IL1RAPL1: variants seen among roughly 807,000 people sequenced by gnomAD.
IL1RAPL1 encodes interleukin-1 receptor accessory protein-like 1.
In IL1RAPL1, 3 loss-of-function variants were observed where a neutral mutation model predicts 48.4. The ratio of observed to expected loss-of-function variants is 0.06; its 90% CI spans 0.03 to 0.16. IL1RAPL1 has a LOEUF of 0.16. Ranked by LOEUF, IL1RAPL1 falls within the 10% of genes least tolerant of loss-of-function variation. The probability of loss-of-function intolerance (pLI) is 1.00; values close to 1 mark genes in which losing one functional copy is unlikely to be tolerated. For synonymous variants in IL1RAPL1, 185 were observed against 187.7 expected, an observed-to-expected ratio of 0.99 and a Z score of 0.12; for missense variants, 349 against 530.6, an observed-to-expected ratio of 0.66 and a Z score of 3.36.
intron 2 of IL1RAPL1, among the ~76,000 whole-genome samples, chrX:28,790,155 C>T (rs1370461639): frequency 8.9e-6 from 1 of 111,829 alleles, no homozygotes; most frequent in Non-Finnish European, 1.9e-5. Flanking sequence ...TGTGGAGTCA[C>T]ATAATTTTTG....
At chrX:29,907,169 A>G (rs1932649757) in intron 6 of IL1RAPL1, among the ~76,000 whole-genome samples, 1 of 111,443 alleles carries the variant, frequency 9.0e-6, no homozygotes, top group African/African-American at 3.3e-5. Context: ...TTTAATGTCC[A>G]TTCTAGATGC....
At chrX:29,937,118 T>G (rs1323318409) in intron 8 of IL1RAPL1, among the ~76,000 whole-genome samples, 1 of 111,864 alleles carries the variant, frequency 8.9e-6, no homozygotes, top group Non-Finnish European at 1.9e-5. Context: ...AGGTTTTGCC[T>G]AGCAATTTTG....
intron 1 of IL1RAPL1, among the ~76,000 whole-genome samples, chrX:28,606,654 T>A (rs1030503268): frequency 6.2e-5 from 7 of 112,145 alleles, no homozygotes; most frequent in African/African-American, 2.3e-4. Flanking sequence ...AGGATAATTT[T>A]AAAAATATCA....
intron 1 of IL1RAPL1, among the ~76,000 whole-genome samples, chrX:28,632,879 C>T (rs1470377162): frequency 1.1e-5 from 1 of 93,522 alleles, no homozygotes; most frequent in East Asian, 3.4e-4. Flanking sequence ...GAAAACTTCA[C>T]TGTATGCTTT....
In IL1RAPL1 at chrX:29,640,743, A is replaced by T. The variant is rs1415065601; in HGVS notation, c.704-27687A>T. Among the ~76,000 whole-genome samples, 9 of 112,388 alleles carry T rather than the reference A, an allele frequency of 8.0e-5. No individual in the cohort carries two copies. The Admixed American group carries it at 8.5e-4, about 11-fold the overall frequency. ...GCTGTCTTAATCCAAACCAATGACAAATCTCATCTGGACGATTGTAATTGC... is the reference window on the plus strand; with the variant it reads ...GCTGTCTTAATCCAAACCAATGACATATCTCATCTGGACGATTGTAATTGC... On this transcript the variant is annotated intron_variant, in intron 5 of 10. Coordinates refer to ENST00000378993, the MANE Select transcript of IL1RAPL1 (RefSeq NM_014271.4).
At chrX:29,504,154 T>C (rs1207598489) in intron 5 of IL1RAPL1, among the ~76,000 whole-genome samples, 1 of 110,565 alleles carries the variant, frequency 9.0e-6, no homozygotes, top group African/African-American at 3.3e-5. Flanking sequence ...AAGGTTCTTC[T>C]TGTTATTGAT....
At chrX:29,954,422 G>A in intron 9 of IL1RAPL1, 100 bp from the exon 10 acceptor site, 1 of 656,674 alleles carries the variant, frequency 1.5e-6, no homozygotes, top group Non-Finnish European at 2.4e-6. Context: ...TCAGAAATGG[G>A]ACATTTGGAG....
intron 2 of IL1RAPL1, among the ~76,000 whole-genome samples, chrX:29,205,509 T>C (rs1408411427): frequency 9.1e-6 from 1 of 110,475 alleles, no homozygotes; most frequent in African/African-American, 3.3e-5. Context: ...GATTCAGAGT[T>C]CATGACCTCA....
At chrX:29,804,223 T>C (rs1930197962) in intron 6 of IL1RAPL1, among the ~76,000 whole-genome samples, 1 of 111,710 alleles carries the variant, frequency 9.0e-6, no homozygotes, top group African/African-American at 3.3e-5. Flanking sequence ...ACTATGAGTT[T>C]GGAGAGTTGG....
chrX:29,074,256 C>T (rs1471705670), intron 2 of IL1RAPL1, among the ~76,000 whole-genome samples: 1 of 111,148 alleles, frequency 9.0e-6, no homozygotes, highest in Non-Finnish European at 1.9e-5. Context: ...CACATCAGAC[C>T]CTTCTCAATC....
intron 3 of IL1RAPL1, among the ~76,000 whole-genome samples, chrX:29,287,089 C>T (rs1482481455): frequency 9.0e-6 from 1 of 111,224 alleles, no homozygotes; most frequent in Non-Finnish European, 1.9e-5. Context: ...ACATCCATCT[C>T]TACCCAACCC....
intron 1 of IL1RAPL1, among the ~76,000 whole-genome samples, chrX:28,639,896 T>C (rs1012284749): frequency 9.8e-5 from 11 of 111,904 alleles, no homozygotes; most frequent in African/African-American, 3.6e-4. Flanking sequence ...TAAATTAGGG[T>C]GAGACAACTC....
chrX:29,433,230 C>T (rs1242520861), intron 5 of IL1RAPL1, among the ~76,000 whole-genome samples: 4 of 110,563 alleles, frequency 3.6e-5, no homozygotes, highest in African/African-American at 1.3e-4. Flanking sequence ...AAATCCCGTA[C>T]CACAGAGGTG....
chrX:29,717,347 A>G (rs751259700), intron 6 of IL1RAPL1, among the ~76,000 whole-genome samples: 1 of 111,716 alleles, frequency 9.0e-6, no homozygotes, highest in Non-Finnish European at 1.9e-5. Flanking sequence ...CTTGGCCTCT[A>G]GAAACAATCT....
intron 2 of IL1RAPL1, chrX:28,982,786 G>A (rs768970805): frequency 1.3e-4 from 15 of 111,129 alleles, no homozygotes; most frequent in Non-Finnish European, 2.3e-4. Context: ...CTTGTCCAAA[G>A]TTCTTAAACG....
intron 3 of IL1RAPL1, among the ~76,000 whole-genome samples, chrX:29,351,364 C>T (rs1933228157): frequency 1.8e-5 from 2 of 111,452 alleles, no homozygotes; most frequent in Admixed American, 9.6e-5. Flanking sequence ...TATTTATGCT[C>T]CCTGAATCTA....
chrX:29,462,143 A>T (rs1416778772), intron 5 of IL1RAPL1, among the ~76,000 whole-genome samples: 1 of 106,587 alleles, frequency 9.4e-6, no homozygotes, highest in African/African-American at 3.8e-5. Context: ...ATGAGTACAT[A>T]TAAGTAAAAC....
chrX:28,682,832 C>T (rs1404926973), intron 1 of IL1RAPL1, among the ~76,000 whole-genome samples: 1 of 111,939 alleles, frequency 8.9e-6, no homozygotes, highest in Non-Finnish European at 1.9e-5. Context: ...ATTTGAGACT[C>T]CTGTTAAAAC....
chrX:29,249,070 G>A (rs939854877), intron 2 of IL1RAPL1, among the ~76,000 whole-genome samples: 1 of 111,462 alleles, frequency 9.0e-6, no homozygotes, highest in African/African-American at 3.3e-5. Context: ...TATTTCTTGG[G>A]GGAAAGAATA....
Sources: allele counts gnomAD v4.1 joint callset (sites outside exome capture counted in the v4.1 genomes callset), GRCh38; gene constraint gnomAD v4.1.1; transcripts MANE v1.5; gene names NCBI Gene and HGNC (gene_info 2026-07-23, HGNC 2026-07-21).